CCDC171: variants seen among roughly 807,000 people sequenced by gnomAD.
The protein encoded by CCDC171 is coiled-coil domain-containing protein 171.
Under a neutral mutation model 168.2 loss-of-function variants are expected in CCDC171, and 177 were observed. The ratio of observed to expected loss-of-function variants is 1.05; its 90% confidence interval spans 0.93 to 1.19. CCDC171 has a LOEUF of 1.19. CCDC171 is among the 50% of genes most tolerant of loss of function. The probability of loss-of-function intolerance (pLI) is 0.00; values close to 1 mark genes in which losing one functional copy is unlikely to be tolerated. For missense variants in CCDC171, 1,991 were observed against 1,539.0 expected (o/e 1.29, Z -4.91); for synonymous variants, 687 against 540.8 (o/e 1.27, Z -3.75).
intron 6 of CCDC171, among the ~76,000 whole-genome samples, chr9:15,597,259 T>C (rs1386909193): frequency 6.6e-6 from 1 of 152,140 alleles, no homozygotes. Context: ...TTTTGCCCAT[T>C]CAGTATGATA....
the CCDC171 span, among the ~76,000 whole-genome samples, chr9:16,074,782 T>G: frequency 2.6e-5 from 4 of 152,104 alleles, no homozygotes. Flanking sequence ...AAACTCAAAA[T>G]TACTGCAGGA....
chr9:15,943,888 A>C lies in CCDC171; in HGVS notation c.3753+23466A>C, dbSNP rs140297697. Among the ~76,000 whole-genome samples the C allele has an allele frequency of 1.7e-3, 254 of 152,080 alleles. 2 individuals carry two copies. The highest frequency in any genetic ancestry group is 5.7e-3 in the African/African-American group (236 of 41,532). ...GAAAAGATAAATTTATTGAAATGAG[A>C]TGGTTAGGGAATATTTTTAAGAAGT... On this transcript the variant is annotated intron_variant, in intron 25 of 25. Transcript: ENST00000380701.
At chr9:15,967,447 A>AT (rs1830911932) in intron 25 of CCDC171, among the ~76,000 whole-genome samples, 1 of 152,226 alleles carries the variant, frequency 6.6e-6, no homozygotes, top group Admixed American at 6.5e-5. Flanking sequence ...TTTTAGAACA[A>AT]CGTGCAATGT....
rs1249905381 is a variant in CCDC171 at position 15,920,312 on chromosome 9, A to G, written c.3643A>G (p.Thr1215Ala). The change falls in exon 25 of 26, where the codon ACT becomes GCT. Residue 1215 changes from threonine (T) to alanine (A), a missense_variant. Coordinates refer to ENST00000380701, the MANE Select transcript of CCDC171 (RefSeq NM_173550.4). ...CATGGATGTCTACCAGCTTGCAAGC[A>G]CTAGAATCATGACATTAGAGAAGGA... The part of the protein sequence containing the change: ...SFMDVYQLAS[T>A]RIMTLEKEMT... 1 of 1,607,176 alleles carries G rather than the reference A, an allele frequency of 6.2e-7. No individual in the cohort carries two copies. The highest frequency in any genetic ancestry group is 1.7e-5 in the Admixed American group (1 of 59,558).
In CCDC171 at chr9:15,737,904, T is replaced by G. The variant is rs1158992229; in HGVS notation, c.2050-6369T>G. On this transcript the variant is annotated intron_variant, in intron 16 of 25. Transcript: ENST00000380701. ...ATGGCTGCACTATTTTACAATCCCATTAGCAATGTCTGAGAGTTCCAATTT... is the reference window on the plus strand; with the variant it reads ...ATGGCTGCACTATTTTACAATCCCAGTAGCAATGTCTGAGAGTTCCAATTT... 2.0e-5 allele frequency among the ~76,000 whole-genome samples: 3 copies of G among 152,198 alleles called. No individual in the cohort carries two copies. The South Asian group carries it at 6.2e-4, about 32-fold the overall frequency.
At chr9:15,928,497 A>T (rs1359953) in intron 25 of CCDC171, among the ~76,000 whole-genome samples, 62,487 of 151,456 alleles carry the variant, frequency 0.41, 13,090 homozygotes, top group Non-Finnish European at 0.44. Flanking sequence ...TCACTGTTTG[A>T]GAAACTCTCA....
At chr9:15,573,947 G>A (rs576617204) in intron 3 of CCDC171, among the ~76,000 whole-genome samples, 543 of 152,062 alleles carry the variant, frequency 3.6e-3, no homozygotes, top group Middle Eastern at 6.8e-3. Flanking sequence ...GTTTATAGTT[G>A]TCATTAGATT....
chr9:15,744,383 T>C lies in CCDC171; in HGVS notation c.2160T>C (p.Thr720=), dbSNP rs375866049. The change falls in exon 17 of 26, where the codon ACT becomes ACC. Residue 720 remains threonine, a synonymous_variant. Transcript: ENST00000380701. ...ACTTCAAAAAACTGTTATCACAGAC[T>C]CAAAGGGAACAGATGTCCTTGCTGG... is the stretch of plus-strand genomic sequence containing the variant. The part of the protein sequence containing the change: ...NSHFKKLLSQ[T]QREQMSLLAA... 18 of 1,614,078 alleles carry C rather than the reference T, an allele frequency of 1.1e-5. No homozygotes were observed. The African/African-American group carries it at 2.4e-4, about 22-fold the overall frequency.
At chr9:15,579,463 G>A (rs1306504398) in intron 4 of CCDC171, among the ~76,000 whole-genome samples, 4 of 152,182 alleles carry the variant, frequency 2.6e-5, no homozygotes, top group Non-Finnish European at 5.9e-5. Flanking sequence ...CTGGGCTAGA[G>A]TGTGGTGCCT....
chr9:15,895,754 T>C (rs1820815801), intron 24 of CCDC171, among the ~76,000 whole-genome samples: 1 of 152,120 alleles, frequency 6.6e-6, no homozygotes, highest in Admixed American at 6.6e-5. Context: ...ACCAAGCAAC[T>C]TCCAGTTTAT....
chr9:16,107,609 A>G, the CCDC171 span, among the ~76,000 whole-genome samples: 1 of 152,172 alleles, frequency 6.6e-6, no homozygotes, highest in Non-Finnish European at 1.5e-5. Flanking sequence ...ACACATATAT[A>G]CATACACATA....
chr9:15,773,005 CATT>C (rs1053954587), intron 18 of CCDC171, among the ~76,000 whole-genome samples: 10 of 151,924 alleles, frequency 6.6e-5, no homozygotes, highest in African/African-American at 2.2e-4. Flanking sequence ...TAACATTACT[CATT>C]ATTACAATAT....
rs189552530 is a variant in CCDC171 at position 15,674,093 on chromosome 9, C to G, written c.1077-4665C>G. Among the ~76,000 whole-genome samples, 96 of 152,114 alleles carry G rather than the reference C, an allele frequency of 6.3e-4. 1 individual carries two copies. The East Asian group carries it at 0.017, about 28-fold the overall frequency. On this transcript the variant is annotated intron_variant, in intron 9 of 25. Coordinates refer to ENST00000380701, the MANE Select transcript of CCDC171 (RefSeq NM_173550.4). ...TTAGTCTTGGGAGGGTGTATGTGTC[C>G]AGGAATTTATCCATTTCTTCTAGAT...
chr9:15,879,279 C>A (rs540320419), intron 24 of CCDC171, among the ~76,000 whole-genome samples: 7 of 152,016 alleles, frequency 4.6e-5, no homozygotes, highest in Admixed American at 3.3e-4. Context: ...AACAATTGGG[C>A]CATACAGTTT....
intron 14 of CCDC171, 42 bp downstream of exon 14, chr9:15,725,018 C>G (rs984760863): frequency 7.1e-7 from 1 of 1,405,568 alleles, no homozygotes; most frequent in Non-Finnish European, 1.0e-6. Flanking sequence ...GGGCCTTTCA[C>G]TAATCTCAGT....
chr9:15,919,331 A>ATTATTTTTCACATGCAT (rs1186634638), intron 24 of CCDC171, among the ~76,000 whole-genome samples: 2 of 151,670 alleles, frequency 1.3e-5, no homozygotes, highest in East Asian at 3.9e-4. Context: ...TTTCACATGC[A>ATTATTTTTCACATGCAT]TTCACAACTG....
At chr9:15,954,963 T>C (rs1308148142) in intron 25 of CCDC171, among the ~76,000 whole-genome samples, 1 of 152,116 alleles carries the variant, frequency 6.6e-6, no homozygotes, top group South Asian at 2.1e-4. Flanking sequence ...TTATTTTCCT[T>C]TGAATGAGCC....
intron 11 of CCDC171, among the ~76,000 whole-genome samples, chr9:15,719,153 A>C (rs2053288656): frequency 7.2e-6 from 1 of 138,730 alleles, no homozygotes; most frequent in Non-Finnish European, 1.5e-5. Flanking sequence ...AAAAAGAATC[A>C]AGCAGAAATT....
At chr9:15,639,478 T>G (rs2046434119) in intron 7 of CCDC171, among the ~76,000 whole-genome samples, 1 of 152,108 alleles carries the variant, frequency 6.6e-6, no homozygotes, top group African/African-American at 2.4e-5. Flanking sequence ...TGATATTTCT[T>G]ATTTTTATTA....
Sources: gnomAD v4.1 joint callset for allele counts (sites outside exome capture counted in the v4.1 genomes callset) on GRCh38, gnomAD v4.1.1 for gene constraint, MANE v1.5 for transcripts, NCBI Gene and HGNC (gene_info 2026-07-23, HGNC 2026-07-21) for gene names.